The following ZNF423 variants were observed in gnomAD, a reference collection of about 807,000 sequenced individuals.
The protein encoded by ZNF423 is zinc finger protein 423, also known as Ebf-associated zinc finger protein.
Under a neutral mutation model 95.8 loss-of-function variants are expected in ZNF423, and 12 were observed. The ratio of observed to expected loss-of-function variants is 0.13; its 90% CI spans 0.08 to 0.20. The LOEUF (loss-of-function observed/expected upper bound fraction) is 0.20. Among genes scored for constraint, ZNF423 ranks in the 10% least tolerant of loss-of-function variants. The pLI is 1.00. For synonymous variants in ZNF423, 749 were observed against 711.9 expected (o/e 1.05, Z -0.83); for missense variants, 1,316 against 1,737.1 (o/e 0.76, Z 4.31).
intron 1 of ZNF423, among the ~76,000 whole-genome samples, chr16:49,835,343 A>G (rs2035106195): frequency 6.6e-6 from 1 of 152,188 alleles, no homozygotes; most frequent in African/African-American, 2.4e-5. Flanking sequence ...CAGACTCAGC[A>G]GGACTGTGGC....
chr16:49,824,477 G>A (rs1301453794), intron 1 of ZNF423, among the ~76,000 whole-genome samples: 1 of 152,140 alleles, frequency 6.6e-6, no homozygotes, highest in Non-Finnish European at 1.5e-5. Flanking sequence ...TGGGGGAGGT[G>A]TGCTGTTGCT....
At chr16:49,601,633 C>T (rs1306291674) in intron 5 of ZNF423, among the ~76,000 whole-genome samples, 1 of 152,152 alleles carries the variant, frequency 6.6e-6, no homozygotes, top group Non-Finnish European at 1.5e-5. Context: ...ACATAAAAGG[C>T]AGCCCTCTCT....
At chr16:49,728,080 G>A (rs1382516112) in intron 3 of ZNF423, among the ~76,000 whole-genome samples, 1 of 152,124 alleles carries the variant, frequency 6.6e-6, no homozygotes, top group African/African-American at 2.4e-5. Context: ...ACAGGCCCCA[G>A]TACTCACTTC....
chr16:49,649,893 G>A (rs762496898), intron 3 of ZNF423, among the ~76,000 whole-genome samples: 4 of 152,202 alleles, frequency 2.6e-5, no homozygotes, highest in African/African-American at 7.2e-5. Flanking sequence ...CTGAAATCTC[G>A]AGTTAGAATT....
rs578000184 is a variant in ZNF423, at chr16:49,573,919, G to A, written c.3602-48425C>T. ...AGGAATAGGACTAGATCAGGGATGC[G>A]TACATGTGGTGAGCCTGCTGATCAT... On this transcript the variant is annotated intron_variant, in intron 5 of 7. Coordinates refer to ENST00000563137, the MANE Select transcript of ZNF423 (RefSeq NM_001379286.1). Among the ~76,000 whole-genome samples the A allele has an allele frequency of 2.0e-4, 31 of 152,270 alleles. No individual in the cohort carries two copies. In the South Asian group the frequency reaches 5.8e-3, roughly 29 times the overall value.
At chr16:49,530,300 G>C (rs1968792704) in intron 5 of ZNF423, among the ~76,000 whole-genome samples, 1 of 152,070 alleles carries the variant, frequency 6.6e-6, no homozygotes, top group Non-Finnish European at 1.5e-5. Flanking sequence ...CACCTCCTCA[G>C]GGAGGCCTTA....
intron 5 of ZNF423, among the ~76,000 whole-genome samples, chr16:49,547,072 T>C (rs1056924185): frequency 2.6e-5 from 4 of 151,224 alleles, no homozygotes; most frequent in African/African-American, 9.7e-5. Context: ...CAGAAAGTTG[T>C]AAACTTTAGA....
At chr16:49,684,628 T>G (rs2031491671) in intron 3 of ZNF423, among the ~76,000 whole-genome samples, 1 of 152,062 alleles carries the variant, frequency 6.6e-6, no homozygotes, top group Admixed American at 6.5e-5. Flanking sequence ...AGGATGTGAG[T>G]GGCCCCAGGA....
intron 1 of ZNF423, among the ~76,000 whole-genome samples, chr16:49,816,601 T>C (rs2034859601): frequency 6.6e-6 from 1 of 152,072 alleles, no homozygotes; most frequent in Non-Finnish European, 1.5e-5. Flanking sequence ...CTAAGCAACA[T>C]AGTGAGGCCC....
chr16:49,722,316 C>T (rs546927240), intron 3 of ZNF423, among the ~76,000 whole-genome samples: 2 of 152,358 alleles, frequency 1.3e-5, no homozygotes, highest in South Asian at 4.1e-4. Context: ...AGGTCAGCAT[C>T]TTCCTGAGAG....
Position 49,492,525 on chromosome 16 carries a change from G to A in ZNF423, c.3850-1221C>T, listed in dbSNP as rs1017329504. Among the ~76,000 whole-genome samples the A allele has an allele frequency of 2.0e-5, 3 of 152,156 alleles. No homozygotes were observed. The highest frequency in any genetic ancestry group is 4.8e-5 in the African/African-American group (2 of 41,442). On this transcript the variant is annotated intron_variant, in intron 7 of 7. Transcript: ENST00000563137. The surrounding 1 kb of genome is among the most constrained non-coding windows in gnomAD (Gnocchi z 4.2). The stretch of plus-strand genomic sequence containing the variant: ...CGAGACGGGCCACTCCTGCTCCCTG[G>A]AGCAGGGCCCCGCGCAGTCCCTTCC...
At chr16:49,532,270 C>T (rs536736448) in intron 5 of ZNF423, among the ~76,000 whole-genome samples, 4 of 152,314 alleles carry the variant, frequency 2.6e-5, no homozygotes, top group East Asian at 1.9e-4. Context: ...AAACCATCCC[C>T]GCATCACGGC....
At chr16:49,803,710 G>A (rs890800031) in intron 1 of ZNF423, among the ~76,000 whole-genome samples, 1 of 152,112 alleles carries the variant, frequency 6.6e-6, no homozygotes. Context: ...GGAGCTGAGT[G>A]AGTGAATGAA....
chr16:49,690,359 C>T (rs981265079), intron 3 of ZNF423, among the ~76,000 whole-genome samples: 4 of 152,086 alleles, frequency 2.6e-5, no homozygotes, highest in Admixed American at 2.6e-4. Context: ...GGTGAGATCC[C>T]ACCTCTAGAA....
intron 3 of ZNF423, among the ~76,000 whole-genome samples, chr16:49,663,919 AC>A (rs2030387195): frequency 6.6e-6 from 1 of 152,180 alleles, no homozygotes; most frequent in Non-Finnish European, 1.5e-5. Context: ...CCAGAAAAAA[AC>A]GTTTCCTTCC....
Position 49,637,978 on chromosome 16 carries a change from G to C in ZNF423, c.1198C>G (p.Arg400Gly). ...STPDSTLKPL[R>G]GQKKMRDDGQ... is the part of the protein sequence containing the mutation. ...TCATCCCGCATCTTCTTCTGCCCCCGCAGCGGCTTCAAGGTGGAGTCCGGG... is the reference window on the plus strand; with the variant it reads ...TCATCCCGCATCTTCTTCTGCCCCCCCAGCGGCTTCAAGGTGGAGTCCGGG... Residue 400 changes from arginine (R) to glycine (G), a missense_variant, in exon 4 of 8, where the codon CGG (arginine) becomes GGG (glycine). This residue lies in a region of ZNF423 where 399 missense variants were observed against 478.5 expected (regional missense o/e 0.83). Coordinates refer to ENST00000563137, the MANE Select transcript of ZNF423 (RefSeq NM_001379286.1). The surrounding 1 kb of genome is among the most constrained non-coding windows in gnomAD (Gnocchi z 5.6). 1 of 1,614,094 alleles carries C rather than the reference G, an allele frequency of 6.2e-7. No individual in the cohort carries two copies.
intron 2 of ZNF423, among the ~76,000 whole-genome samples, chr16:49,765,544 C>CCA (rs59923016): frequency 0.69 from 103,357 of 149,164 alleles, 36,483 homozygotes; most frequent in African/African-American, 0.83. Context: ...GACCTCATCT[C>CCA]CACACACACA....
At chr16:49,680,531 C>A (rs2067141391) in intron 3 of ZNF423, among the ~76,000 whole-genome samples, 1 of 152,226 alleles carries the variant, frequency 6.6e-6, no homozygotes, top group South Asian at 2.1e-4. Flanking sequence ...GCTCCCCAAG[C>A]CAGGGCTGTG....
rs1363273312 is a variant in ZNF423, at chr16:49,638,267, C to T, written c.909G>A (p.Leu303=). 7 of 1,612,852 alleles carry T rather than the reference C, an allele frequency of 4.3e-6. No individual in the cohort carries two copies. The South Asian group carries it at 6.6e-5, about 15-fold the overall frequency. ...RHPQLSEKAD[L]QCIHCPEVFV... ...AGACCTCAGGGCAGTGAATGCACTG[C>T]AGGTCCGCCTTCTCGGACAGCTGCG... is the stretch of plus-strand genomic sequence containing the variant. The change falls in exon 4 of 8, where the codon CTG becomes CTA. Residue 303 remains leucine (L), a synonymous_variant. Coordinates refer to ENST00000563137, the MANE Select transcript of ZNF423 (RefSeq NM_001379286.1). The surrounding 1 kb of genome is among the most constrained non-coding windows in gnomAD (Gnocchi z 5.6).
Sources: allele counts gnomAD v4.1 joint callset (sites outside exome capture counted in the v4.1 genomes callset), GRCh38; gene constraint gnomAD v4.1.1; regional missense constraint gnomAD v4.1.1; non-coding constraint Gnocchi (gnomAD v3.1); transcripts MANE v1.5; gene names NCBI Gene and HGNC (gene_info 2026-07-23, HGNC 2026-07-21).